GZMB: variants seen among roughly 807,000 people sequenced by gnomAD.
GZMB encodes granzyme B, also known as T-cell serine protease 1-3E.
Under a neutral mutation model 24.2 loss-of-function variants are expected in GZMB, and 27 were observed. The observed-to-expected ratio is 1.12, with a 90% CI of 0.82 to 1.54. The LOEUF (loss-of-function observed/expected upper bound fraction) is 1.54. Ranked by LOEUF, GZMB falls within the 40% of genes most tolerant of loss-of-function variation. The pLI, the probability that GZMB is intolerant of heterozygous loss-of-function variation, is 0.00. For synonymous variants in GZMB, 121 were observed against 115.1 expected (o/e 1.05, Z -0.33); for missense variants, 336 against 310.1 (o/e 1.08, Z -0.63).
In GZMB at chr14:24,632,962, G is replaced by A. The variant is rs1248585234; in HGVS notation, c.156C>T (p.Phe52=). 24 of 1,613,762 alleles carry A rather than the reference G, an allele frequency of 1.5e-5. No homozygotes were observed. Among genetic ancestry groups the A allele is most frequent in the Non-Finnish European group, 2.0e-5 (24 of 1,179,900 alleles). ...TCAGCACGAAGTCGTCTCGTATCAG[G>A]AAGCCACCGCACCTCTTCAGAGACT... ...DQKSLKRCGG[F]LIRDDFVLTA... The change falls in exon 2 of 5, where the codon TTC becomes TTT. Residue 52 remains phenylalanine, a synonymous_variant. Transcript: ENST00000216341.
chr14:24,633,989 A>G, intron 1 of GZMB, 117 bp downstream of exon 1: 1 of 914,900 alleles, frequency 1.1e-6, no homozygotes, highest in Non-Finnish European at 1.8e-6. Context: ...GGGTCTTGGT[A>G]GAATGGGAGC....
rs767137056 is a variant in GZMB at position 24,632,006 on chromosome 14, G to A, written c.452C>T (p.Ala151Val). 22 of 1,614,084 alleles carry A rather than the reference G, an allele frequency of 1.4e-5. 1 individual carries two copies. In the South Asian group the frequency reaches 1.9e-4, roughly 14 times the overall value. Residue 151 changes from alanine to valine, a missense_variant, in exon 4 of 5, where the codon GCC becomes GTC. Transcript: ENST00000216341. ...TGTGTGTGAGTGTTTTCCCAGGGGG[G>A]CCGTCTGCCCCCAGCCGGCCACACT... ...TCSVAGWGQT[A>V]PLGKHSHTLQ...
Position 24,631,784 on chromosome 14 carries a change from T to C in GZMB, c.600+74A>G, listed in dbSNP as rs1013189677. ...GTGGGTGAAGGAGTCCCCCACTACTTGAGTCTCCAGGTCTCAGATATTCCC... is the reference window on the plus strand; with the variant it reads ...GTGGGTGAAGGAGTCCCCCACTACTCGAGTCTCCAGGTCTCAGATATTCCC... On this transcript the variant is annotated intron_variant, in intron 4 of 4. Transcript: ENST00000216341. The C allele has an allele frequency of 3.0e-5, 37 of 1,239,288 alleles. No homozygotes were observed. The East Asian group carries it at 8.3e-4, about 28-fold the overall frequency. The allele number at this position is 1,239,288 out of a possible 1,614,324, so 76.8% of individuals were successfully genotyped here.
chr14:24,633,772 C>G (rs542322753), intron 1 of GZMB: 1 of 382,168 alleles, frequency 2.6e-6, no homozygotes, highest in Non-Finnish European at 5.0e-6. Flanking sequence ...CTGTCTTATC[C>G]CAGAAACAGA....
chr14:24,632,448 A>G lies in GZMB; in HGVS notation c.215T>C (p.Val72Ala). 6.2e-7 allele frequency: 1 copy of G among 1,613,150 alleles called. No individual in the cohort carries two copies. Among genetic ancestry groups the G allele is most frequent in the Non-Finnish European group, 8.5e-7 (1 of 1,179,594 alleles). Residue 72 changes from valine to alanine, a missense_variant, in exon 3 of 5, where the codon GTC becomes GCC. By Grantham distance (64) the Val-to-Ala change is moderately conservative (BLOSUM62 0). Transcript: ENST00000216341. ...AAHCWGSSINVTLGAHNIKEQ... is the reference protein window; with the variant it reads ...AAHCWGSSINATLGAHNIKEQ... The stretch of plus-strand genomic sequence containing the variant: ...TTTGATATTGTGGGCCCCCAAGGTG[A>G]CATTTATGGAGCTGCACAGAGAGCA...
intron 4 of GZMB, chr14:24,631,425 T>C (rs868282218): frequency 4.2e-5 from 24 of 577,278 alleles, no homozygotes; most frequent in South Asian, 2.4e-4. Flanking sequence ...GCCTCCGTCA[T>C]GTCCCCCAGA....
At chr14:24,633,529 A>G (rs1388804684) in intron 1 of GZMB, among the ~76,000 whole-genome samples, 1 of 152,094 alleles carries the variant, frequency 6.6e-6, no homozygotes, top group African/African-American at 2.4e-5. Flanking sequence ...TAGCCTCTGG[A>G]TGAGGGCTGG....
chr14:24,632,741 G>A lies in GZMB; in HGVS notation c.203+174C>T, dbSNP rs192166820. 2,437 of 819,034 alleles carry A rather than the reference G, an allele frequency of 3.0e-3. 23 individuals are homozygous for A. Among genetic ancestry groups the A allele is most frequent in the Admixed American group, 0.014 (684 of 50,190 alleles). 50.7% of individuals were successfully genotyped at this position (819,034 alleles called of 1,614,324 possible). ...CACTCTGCTGTTTCTTACTTCAGCA[G>A]CACCTCTGGAACCAACCTTCCCCTC... On this transcript the variant is annotated intron_variant, in intron 2 of 4. Coordinates refer to ENST00000216341, the MANE Select transcript of GZMB (RefSeq NM_004131.6).
intron 2 of GZMB, 107 bp downstream of exon 2, chr14:24,632,808 A>C: frequency 8.7e-7 from 1 of 1,154,756 alleles, no homozygotes; most frequent in Non-Finnish European, 1.3e-6. Context: ...CTCTAAGGAG[A>C]CCTCCTGGCA....
In GZMB at chr14:24,632,926, G is replaced by A; in HGVS notation, c.192C>T (p.His64=). The A allele has an allele frequency of 2.5e-6, 4 of 1,612,298 alleles. No homozygotes were observed. Among genetic ancestry groups the A allele is most frequent in the South Asian group, 2.2e-5 (2 of 90,764 alleles). ...TTTCTGCTCCTCACCTTCCCCAACAGTGAGCAGCTGTCAGCACGAAGTCGT... is the reference window on the plus strand; with the variant it reads ...TTTCTGCTCCTCACCTTCCCCAACAATGAGCAGCTGTCAGCACGAAGTCGT... ...IRDDFVLTAA[H]CWGSSINVTL... Residue 64 remains histidine (H), a synonymous_variant, in exon 2 of 5, where the codon CAC becomes CAT. Transcript: ENST00000216341.
At chr14:24,632,569 G>A in intron 2 of GZMB, 110 bp from the exon 3 acceptor site, 1 of 1,530,734 alleles carries the variant, frequency 6.5e-7, no homozygotes, top group African/African-American at 1.4e-5. Context: ...GGGAAATTAA[G>A]GGGACAGTCG....
At chr14:24,633,280 A>G (rs759848186) in intron 1 of GZMB, 74 of 984,846 alleles carry the variant, frequency 7.5e-5, no homozygotes, top group Non-Finnish European at 8.6e-5. Flanking sequence ...AGGCGAGCAT[A>G]CCTGTCTTAG....
intron 2 of GZMB, 174 bp downstream of exon 2, chr14:24,632,741 G>T (rs192166820): frequency 2.4e-6 from 2 of 819,034 alleles, no homozygotes; most frequent in Non-Finnish European, 4.1e-6. Context: ...TACTTCAGCA[G>T]CACCTCTGGA....
intron 4 of GZMB, 101 bp downstream of exon 4, chr14:24,631,757 T>C: frequency 1.1e-6 from 1 of 938,696 alleles, no homozygotes; most frequent in Non-Finnish European, 1.7e-6. Flanking sequence ...TATCACAGTC[T>C]AGTGGGTGAA....
chr14:24,634,012 C>T (rs1594829864), intron 1 of GZMB, 94 bp downstream of exon 1: 2 of 1,135,900 alleles, frequency 1.8e-6, no homozygotes, highest in Non-Finnish European at 2.6e-6. Flanking sequence ...GAGTTCAGAA[C>T]ATTCCTGGTA....
chr14:24,632,233 G>A lies in GZMB; in HGVS notation c.339+91C>T, dbSNP rs2067003231. 2.0e-6 allele frequency: 3 copies of A among 1,511,098 alleles called. 1 individual carries two copies. Among genetic ancestry groups the A allele is most frequent in the Non-Finnish European group, 2.7e-6 (3 of 1,103,566 alleles). The allele number at this position is 1,511,098 out of a possible 1,614,324, so 93.6% of individuals were successfully genotyped here. ...CTGAGGCATAGGAACTAACCAAGAG[G>A]CCAGGATGGAAAGGAGGGAAGGGCC... On this transcript the variant is annotated intron_variant, in intron 3 of 4. Coordinates refer to ENST00000216341, the MANE Select transcript of GZMB (RefSeq NM_004131.6).
At chr14:24,632,150 A>G (rs1179286792) in intron 3 of GZMB, 32 bp from the exon 4 acceptor site, 1 of 1,608,890 alleles carries the variant, frequency 6.2e-7, no homozygotes, top group Admixed American at 1.7e-5. Context: ...AGTCCAGGTC[A>G]GCCAACGAAC....
chr14:24,631,398 C>T (rs1218555977), intron 4 of GZMB, 184 bp from the exon 5 acceptor site: 2 of 589,430 alleles, frequency 3.4e-6, no homozygotes, highest in South Asian at 2.1e-5. Context: ...TACTGCTTCA[C>T]CTCATCCCAG....
chr14:24,632,637 C>T lies in GZMB; in HGVS notation c.204-178G>A, dbSNP rs558049878. ...CAGGTTTCTCAGGGTTCGGTTCCCC[C>T]TAGAAACACAGGTGGAATTGCTTCA... On this transcript the variant is annotated intron_variant, in intron 2 of 4. Transcript: ENST00000216341. 56 of 1,019,758 alleles carry T rather than the reference C, an allele frequency of 5.5e-5. No homozygotes were observed. In the African/African-American group the frequency reaches 7.5e-4, roughly 14 times the overall value. The allele number at this position is 1,019,758 out of a possible 1,614,324, so 63.2% of individuals were successfully genotyped here.
Sources: allele counts gnomAD v4.1 joint callset (sites outside exome capture counted in the v4.1 genomes callset), GRCh38; gene constraint gnomAD v4.1.1; transcripts MANE v1.5; gene names NCBI Gene and HGNC (gene_info 2026-07-23, HGNC 2026-07-21).